Variants in SLA observed in about 807,000 individuals in gnomAD.
SLA encodes the protein Src like adaptor.
Under a neutral mutation model 30.3 loss-of-function variants are expected in SLA, and 16 were observed. The ratio of observed to expected loss-of-function variants is 0.53; its 90% CI spans 0.36 to 0.80. The LOEUF is 0.80. SLA is among the 30% of genes least tolerant of loss of function. The probability of loss-of-function intolerance (pLI) is 0.01; values close to 1 mark genes in which losing one functional copy is unlikely to be tolerated. For synonymous variants in SLA, 143 were observed against 137.8 expected (o/e 1.04, Z -0.26); for missense variants, 310 against 345.2 (o/e 0.90, Z 0.81).
chr8:133,049,918 C>T lies in SLA; in HGVS notation c.232G>A (p.Ala78Thr), dbSNP rs1473926959. The stretch of plus-strand genomic sequence containing the variant: ...TGTACTCACCCATGGTAAACTCTGG[C>T]CACACATATTCCAGGGATGTAACTC... The part of the protein sequence containing the change: ...RESYIPGICV[A>T]RVYHGWLFEG... The change falls in exon 5 of 9, where the codon GCC becomes ACC. Residue 78 changes from alanine to threonine, a missense_variant. Coordinates refer to ENST00000338087, the MANE Select transcript of SLA (RefSeq NM_001045556.3). 6.2e-7 allele frequency: 1 copy of T among 1,611,022 alleles called. No homozygotes were observed.
rs1195088144 is a variant in SLA, at chr8:133,047,922, T to G, written c.260A>C (p.Glu87Ala). 6.2e-7 allele frequency: 1 copy of G among 1,606,158 alleles called. No homozygotes were observed. The highest frequency in any genetic ancestry group is 1.3e-5 in the African/African-American group (1 of 74,684). The change falls in exon 6 of 9, where the codon GAG becomes GCG. Residue 87 changes from glutamate (E) to alanine (A), a missense_variant. Coordinates refer to ENST00000338087, the MANE Select transcript of SLA (RefSeq NM_001045556.3). ...VARVYHGWLF[E>A]GLGRDKAEEL... ...CTCGGCCTTGTCTCTGCCCAGGCCCTCAAACAGCCAGCTGGGAAGGAGGAA... is the reference window on the plus strand; with the variant it reads ...CTCGGCCTTGTCTCTGCCCAGGCCCGCAAACAGCCAGCTGGGAAGGAGGAA...
At chr8:133,056,178 T>TA (rs35029594) in intron 3 of SLA, among the ~76,000 whole-genome samples, 1 of 152,144 alleles carries the variant, frequency 6.6e-6, no homozygotes, top group African/African-American at 2.4e-5. Context: ...TTAATTTACT[T>TA]AAAAAAACTT....
At chr8:133,072,174 TG>T (rs1408932192) in intron 2 of SLA, among the ~76,000 whole-genome samples, 1 of 152,208 alleles carries the variant, frequency 6.6e-6, no homozygotes, top group African/African-American at 2.4e-5. Context: ...GCAGTCTGCC[TG>T]GTGCTAAGGA....
intron 1 of SLA, among the ~76,000 whole-genome samples, 169 bp from the exon 2 acceptor site, chr8:133,075,299 C>T (rs1007126751): frequency 2.6e-5 from 4 of 152,144 alleles, no homozygotes; most frequent in African/African-American, 9.7e-5. Flanking sequence ...TCTGGGCCCA[C>T]GAAGGCTGTG....
At chr8:133,098,226 C>T (rs946059234) in intron 1 of SLA, among the ~76,000 whole-genome samples, 1 of 152,318 alleles carries the variant, frequency 6.6e-6, no homozygotes, top group East Asian at 1.9e-4. Context: ...CAAGTTGCTT[C>T]TGATCAAGCC....
intron 1 of SLA, among the ~76,000 whole-genome samples, chr8:133,097,214 A>C (rs371533788): frequency 1.3e-5 from 2 of 152,362 alleles, no homozygotes; most frequent in East Asian, 3.9e-4. Flanking sequence ...TTATTAAATC[A>C]TGAAAGCAAC....
intron 1 of SLA, among the ~76,000 whole-genome samples, chr8:133,087,202 C>CT (rs1201315576): frequency 6.6e-6 from 1 of 151,710 alleles, no homozygotes. Flanking sequence ...TTTTAATTTT[C>CT]TTTGTTTCGT....
intron 5 of SLA, chr8:133,048,862 C>A (rs1005741815): frequency 1.4e-4 from 26 of 184,278 alleles, no homozygotes; most frequent in Admixed American, 5.6e-5. Context: ...ATTAAACTCG[C>A]AGAATTCCAG....
intron 7 of SLA, among the ~76,000 whole-genome samples, chr8:133,043,334 C>T (rs751250562): frequency 6.8e-4 from 104 of 152,292 alleles, no homozygotes; most frequent in Middle Eastern, 3.4e-3. Flanking sequence ...AACTTATGGT[C>T]TCCACACCCC....
intron 7 of SLA, among the ~76,000 whole-genome samples, chr8:133,042,154 G>A (rs1020538821): frequency 1.3e-5 from 2 of 152,088 alleles, no homozygotes; most frequent in South Asian, 2.1e-4. Flanking sequence ...AACTTACTCA[G>A]GGCCGTAGAA....
chr8:133,060,371 C>G, intron 2 of SLA, 171 bp from the exon 3 acceptor site: 3 of 1,530,184 alleles, frequency 2.0e-6, no homozygotes, highest in Non-Finnish European at 2.6e-6. Flanking sequence ...TTTTGCGCAG[C>G]TCAAGTTCTT....
At chr8:133,089,106 C>A (rs4273838) in intron 1 of SLA, among the ~76,000 whole-genome samples, 37,627 of 152,076 alleles carry the variant, frequency 0.25, 4,919 homozygotes, top group African/African-American at 0.28. Context: ...AGACATGGCA[C>A]TCTGGGTCAC....
At position 133,038,413 on chromosome 8, in the gene SLA, C is replaced by T; in HGVS notation, c.*111G>A. ...GTCTCCATGTGGCTTCTCTTGGCTT[C>T]TAAAATACGTGAGGCTCCCAGGGAT... On this transcript the variant is annotated 3_prime_UTR_variant, in exon 9 of 9. Coordinates refer to ENST00000338087, the MANE Select transcript of SLA (RefSeq NM_001045556.3). 1.2e-6 allele frequency: 1 copy of T among 832,012 alleles called. No individual in the cohort carries two copies. 51.5% of individuals were successfully genotyped at this position (832,012 alleles called of 1,614,324 possible). A position where few individuals can be genotyped will look rare whatever the true frequency, so the allele number is the denominator to read the frequency against.
chr8:133,049,599 A>G, intron 5 of SLA: 5 of 388,718 alleles, frequency 1.3e-5, no homozygotes, highest in South Asian at 1.3e-4. Context: ...TAGTCTCTGC[A>G]CTGTGCTGTG....
chr8:133,056,463 G>A (rs1263998369), intron 3 of SLA, among the ~76,000 whole-genome samples: 2 of 152,154 alleles, frequency 1.3e-5, no homozygotes, highest in African/African-American at 4.8e-5. Flanking sequence ...TTCGAGACGA[G>A]CCCATCCTCT....
chr8:133,047,799 G>C (rs1839729704), intron 6 of SLA, 31 bp downstream of exon 6: 1 of 1,205,294 alleles, frequency 8.3e-7, no homozygotes, highest in Non-Finnish European at 1.2e-6. Flanking sequence ...GTCTGCCCCG[G>C]ATGGGGAAAG....
At chr8:133,092,708 A>G (rs370722137) in intron 1 of SLA, among the ~76,000 whole-genome samples, 19 of 151,938 alleles carry the variant, frequency 1.3e-4, no homozygotes, top group African/African-American at 4.3e-4. Context: ...TTCTGCCCCA[A>G]TCCCATGCTC....
intron 7 of SLA, among the ~76,000 whole-genome samples, chr8:133,042,678 CTTTTTT>C (rs58739514): frequency 7.9e-4 from 45 of 56,750 alleles, no homozygotes; most frequent in African/African-American, 2.1e-3. Context: ...CATTCTGTGT[CTTTTTT>C]TTTTTTTTTT....
intron 1 of SLA, chr8:133,090,158 C>G (rs1329409532): frequency 6.6e-6 from 1 of 152,210 alleles, no homozygotes; most frequent in Non-Finnish European, 1.5e-5. Context: ...GTTGATAACT[C>G]TCAGGTAATA....
Sources: allele counts gnomAD v4.1 joint callset (sites outside exome capture counted in the v4.1 genomes callset), GRCh38; gene constraint gnomAD v4.1.1; transcripts MANE v1.5; gene names NCBI Gene and HGNC (gene_info 2026-07-23, HGNC 2026-07-21).